The following CHD8 variants were observed in gnomAD, a reference collection of about 807,000 sequenced individuals.
CHD8 encodes chromodomain helicase DNA binding protein 8, also known as ATP-dependent chromatin remodeler CHD8.
A neutral mutation model predicts 279.2 loss-of-function variants in CHD8; 31 were observed. The observed-to-expected ratio is 0.11, with a 90% confidence interval of 0.08 to 0.15. The LOEUF (loss-of-function observed/expected upper bound fraction) is 0.15, where lower values mean the gene tolerates loss of function less well. Among genes scored for constraint, CHD8 ranks in the 10% least tolerant of loss-of-function variants. The pLI is 1.00. For synonymous variants in CHD8, 1,081 were observed against 1,139.6 expected, an observed-to-expected ratio of 0.95 and a Z score of 1.04; for missense variants, 2,146 against 3,230.5, an observed-to-expected ratio of 0.66 and a Z score of 8.14.
At position 21,394,324 on chromosome 14, in the gene CHD8, A is replaced by G. The variant is rs1462738501; in HGVS notation, c.5552T>C (p.Val1851Ala). 10 of 1,614,020 alleles carry G rather than the reference A, an allele frequency of 6.2e-6. No homozygotes were observed. The highest frequency in any genetic ancestry group is 7.6e-6 in the Non-Finnish European group (9 of 1,179,888). Reference sequence around the variant, plus strand: ...GCGGCATACTTGGCGGCACATGGCCACAAAGCCATGGAAGTACTTGGTAAG... The same window carrying G: ...GCGGCATACTTGGCGGCACATGGCCGCAAAGCCATGGAAGTACTTGGTAAG... ...ESLTKYFHGFVAMCRQVCRLP... is the reference protein window; with the variant it reads ...ESLTKYFHGFAAMCRQVCRLP... The change falls in exon 31 of 38, where the codon GTG becomes GCG. Residue 1851 changes from valine (V) to alanine (A), a missense_variant. Around this residue, in one of 26 missense-constraint regions of CHD8, gnomAD observed 513 missense variants for 637.6 expected, o/e 0.80. Transcript: ENST00000646647.
rs560300449 is a variant in CHD8, at chr14:21,453,980, C to T, written c.-216+2052G>A. On this transcript the variant is annotated intron_variant, in intron 1 of 37. Transcript: ENST00000646647. Reference sequence around the variant, plus strand: ...ACCAGCCTAGCCAATATGGTGAAACCCCGTCTCTACTAAAAATAAAAAAAA... The same window carrying T: ...ACCAGCCTAGCCAATATGGTGAAACTCCGTCTCTACTAAAAATAAAAAAAA... 6.6e-5 allele frequency among the ~76,000 whole-genome samples: 10 copies of T among 151,280 alleles called. 1 individual carries two copies. Among genetic ancestry groups the T allele is most frequent in the Admixed American group, 4.6e-4 (7 of 15,200 alleles).
Position 21,408,492 on chromosome 14 carries a change from C to A in CHD8, c.2550G>T (p.Leu850Phe). The change falls in exon 13 of 38, where the codon TTG (leucine) becomes TTT (phenylalanine). Residue 850 changes from leucine to phenylalanine, a missense_variant. Leu to Phe is a conservative substitution (Grantham distance 22). Transcript: ENST00000646647. The surrounding 1 kb of genome is among the most constrained non-coding windows in gnomAD (Gnocchi z 4.3). ...GGATGCCCACATTATATACTTCCTG[C>A]AAGAAGGCAATGGACTGAATAGTTT... Reference protein sequence around the residue: ...LGKTIQSIAFLQEVYNVGIHG... With the variant: ...LGKTIQSIAFFQEVYNVGIHG... The A allele has an allele frequency of 6.2e-7, 1 of 1,613,736 alleles. No homozygotes were observed.
chr14:21,387,582 A>C (rs548620655), intron 37 of CHD8, among the ~76,000 whole-genome samples: 2 of 149,728 alleles, frequency 1.3e-5, no homozygotes, highest in Non-Finnish European at 3.0e-5. Flanking sequence ...CGCGGTGAGC[A>C]GAGATCACGG....
At chr14:21,454,162 AAAAAGAAAAGAAAAGAAAAG>A (rs60147341) in intron 1 of CHD8, among the ~76,000 whole-genome samples, 6,910 of 127,042 alleles carry the variant, frequency 0.054, 318 homozygotes, top group African/African-American at 0.12. Flanking sequence ...CGTCTCAAAA[AAAAAGAAAAGAAAAGAAAAG>A]AAAAGAAAAG....
chr14:21,392,446 T>C (rs1887589881), intron 34 of CHD8, 61 bp downstream of exon 34: 2 of 1,485,428 alleles, frequency 1.3e-6, no homozygotes, highest in Non-Finnish European at 1.8e-6. Context: ...TTAGTAAAAT[T>C]AGTTACAGCA....
At position 21,405,633 on chromosome 14, in the gene CHD8, T is replaced by C. The variant is rs543597240; in HGVS notation, c.3051+88A>G. 18 of 1,515,758 alleles carry C rather than the reference T, an allele frequency of 1.2e-5. No homozygotes were observed. The highest frequency in any genetic ancestry group is 1.1e-4 in the African/African-American group (8 of 72,148). The allele number at this position is 1,515,758 out of a possible 1,614,324, so 93.9% of individuals were successfully genotyped here. ...GGTTATAAGGAGTTCAGAAAGGCCC[T>C]TGAGATACCCATGACAACAGATGTC... On this transcript the variant is annotated intron_variant, in intron 15 of 37. Transcript: ENST00000646647. This position sits in a 1 kb window ranked among gnomAD's most constrained non-coding sequence, Gnocchi z 4.2.
chr14:21,418,650 C>T (rs1237773637), intron 5 of CHD8, among the ~76,000 whole-genome samples: 2 of 152,168 alleles, frequency 1.3e-5, no homozygotes, highest in East Asian at 1.9e-4. Flanking sequence ...CCCGTCTCCA[C>T]TAAAAATATA....
chr14:21,424,466 C>T (rs1054739543), intron 5 of CHD8, among the ~76,000 whole-genome samples: 1 of 151,338 alleles, frequency 6.6e-6, no homozygotes, highest in African/African-American at 2.4e-5. Context: ...CTCGACTATT[C>T]TTTTGTTTTG....
At chr14:21,433,509 A>G (rs1889649349) in intron 1 of CHD8, among the ~76,000 whole-genome samples, 1 of 152,232 alleles carries the variant, frequency 6.6e-6, no homozygotes, top group African/African-American at 2.4e-5. Flanking sequence ...TGTCAGAGGC[A>G]CAGTCCTGAC....
chr14:21,405,805 G>A lies in CHD8; in HGVS notation c.2967C>T (p.Ser989=). The A allele has an allele frequency of 1.2e-6, 2 of 1,613,608 alleles. No individual in the cohort carries two copies. The highest frequency in any genetic ancestry group is 1.7e-6 in the Non-Finnish European group (2 of 1,179,562). ...PLQNTVEELF[S]LLHFLEPSQF... is the part of the protein sequence containing the mutation. ...GTGACGGTTCCAAGAAATGAAGCAA[G>A]CTAAACAGTTCTTCTACAGTATTTT... The change falls in exon 15 of 38, where the codon AGC becomes AGT. Residue 989 remains serine, a synonymous_variant. Transcript: ENST00000646647. The surrounding 1 kb of genome is among the most constrained non-coding windows in gnomAD (Gnocchi z 4.2).
At chr14:21,409,740 A>G (rs980673937) in intron 11 of CHD8, 111 bp downstream of exon 11, 3 of 994,404 alleles carry the variant, frequency 3.0e-6, no homozygotes, top group African/African-American at 3.2e-5. Context: ...TTCGATTTTT[A>G]TATGTTTGAA....
In CHD8 at chr14:21,393,687, T is replaced by G. The variant is rs762174789; in HGVS notation, c.6108A>C (p.Pro2036=). The G allele has an allele frequency of 1.2e-6, 2 of 1,613,976 alleles. No individual in the cohort carries two copies. Among genetic ancestry groups the G allele is most frequent in the Non-Finnish European group, 8.5e-7 (1 of 1,179,886 alleles). Residue 2036 remains proline (P), a synonymous_variant, in exon 32 of 38, where the codon CCA becomes CCC. Transcript: ENST00000646647. ...LEHEVVARSR[P]TPQDYEMRVS... ...CTCGCATCTCATAGTCTTGTGGGGT[T>G]GGTCGGCTCCTGGCCACCACCTCGT... is the stretch of plus-strand genomic sequence containing the variant.
chr14:21,437,655 C>A (rs1383182770), intron 1 of CHD8, among the ~76,000 whole-genome samples: 3 of 152,186 alleles, frequency 2.0e-5, no homozygotes, highest in East Asian at 1.9e-4. Flanking sequence ...AACCCCTCTC[C>A]TGTAGTGACT....
In CHD8 at chr14:21,393,710, C is replaced by T. The variant is rs145300090; in HGVS notation, c.6085G>A (p.Glu2029Lys). 775 of 1,613,946 alleles carry T rather than the reference C, an allele frequency of 4.8e-4. 1 individual carries two copies. The highest frequency in any genetic ancestry group is 9.9e-4 in the Middle Eastern group (6 of 6,062). The change falls in exon 32 of 38, where the codon GAG (glutamate) becomes AAG (lysine). Residue 2029 changes from glutamate to lysine, a missense_variant. Around this residue, in one of 26 missense-constraint regions of CHD8, gnomAD observed 513 missense variants for 637.6 expected, o/e 0.80. Coordinates refer to ENST00000646647, the MANE Select transcript of CHD8 (RefSeq NM_001170629.2). Reference sequence around the variant, plus strand: ...GTTGGTCGGCTCCTGGCCACCACCTCGTGCTCTAGCTTTAAAGTCAGACTC... The same window carrying T: ...GTTGGTCGGCTCCTGGCCACCACCTTGTGCTCTAGCTTTAAAGTCAGACTC... ...LESLTLKLEHEVVARSRPTPQ... is the reference protein window; with the variant it reads ...LESLTLKLEHKVVARSRPTPQ...
rs1887518652 is a variant in CHD8, at chr14:21,391,123, A to G, written c.7066-60T>C. The G allele has an allele frequency of 1.5e-5, 16 of 1,060,952 alleles. No homozygotes were observed. The South Asian group carries it at 1.9e-4, about 13-fold the overall frequency. 65.7% of individuals were successfully genotyped at this position (1,060,952 alleles called of 1,614,324 possible). A position where few individuals can be genotyped will look rare whatever the true frequency, so the allele number is the denominator to read the frequency against. ...AGAAATCTTCTCTGGAGTAATTATT[A>G]AAGTACTAGTGTCTTTTGTTTGATA... On this transcript the variant is annotated intron_variant, in intron 36 of 37. Transcript: ENST00000646647.
At chr14:21,395,432 T>C in intron 28 of CHD8, 80 bp from the exon 29 acceptor site, 1 of 944,922 alleles carries the variant, frequency 1.1e-6, no homozygotes, top group South Asian at 1.4e-5. Flanking sequence ...CACTTTCTTG[T>C]GTGTGTCCTT....
intron 5 of CHD8, 140 bp from the exon 6 acceptor site, chr14:21,416,047 T>C (rs1888709572): frequency 1.4e-6 from 1 of 707,902 alleles, no homozygotes; most frequent in Non-Finnish European, 2.4e-6. Flanking sequence ...ATAAGGAGAT[T>C]ATCTGTCAAA....
chr14:21,424,760 C>T (rs1008214296), intron 5 of CHD8, among the ~76,000 whole-genome samples: 2 of 152,172 alleles, frequency 1.3e-5, no homozygotes, highest in Admixed American at 6.5e-5. Context: ...CGGGAGCTAC[C>T]GCGCCTGGCC....
rs1450857291 is a variant in CHD8 at position 21,394,012 on chromosome 14, C to T, written c.5783G>A (p.Arg1928Gln). 3 of 1,613,598 alleles carry T rather than the reference C, an allele frequency of 1.9e-6. No homozygotes were observed. Among genetic ancestry groups the T allele is most frequent in the Non-Finnish European group, 2.5e-6 (3 of 1,179,784 alleles). Residue 1928 changes from arginine to glutamine, a missense_variant, in exon 32 of 38, where the codon CGG (arginine) becomes CAG (glutamine). Coordinates refer to ENST00000646647, the MANE Select transcript of CHD8 (RefSeq NM_001170629.2). The stretch of plus-strand genomic sequence containing the variant: ...CCCTCTTAGAAGCTCCCCATCATGC[C>T]GAACAGGCTCCCACCATTTGGGCAA... Reference protein sequence around the residue: ...PELPKWWEPVRHDGELLRGAA... With the variant: ...PELPKWWEPVQHDGELLRGAA...
Sources: allele counts gnomAD v4.1 joint callset (sites outside exome capture counted in the v4.1 genomes callset), GRCh38; gene constraint gnomAD v4.1.1; regional missense constraint gnomAD v4.1.1; non-coding constraint Gnocchi (gnomAD v3.1); transcripts MANE v1.5; gene names NCBI Gene and HGNC (gene_info 2026-07-23, HGNC 2026-07-21).